Variants in FRYL observed in about 807,000 individuals in gnomAD.
FRYL encodes the protein protein furry homolog-like.
In FRYL, 150 loss-of-function variants were observed where a neutral mutation model predicts 351.2. That is an observed-to-expected ratio of 0.43 (90% CI 0.37 to 0.49). The LOEUF is 0.49. Among genes scored for constraint, FRYL ranks in the 20% least tolerant of loss-of-function variants. The probability of loss-of-function intolerance (pLI) is 0.00; values close to 1 mark genes in which losing one functional copy is unlikely to be tolerated. For synonymous variants in FRYL, 1,153 were observed against 1,257.1 expected, an observed-to-expected ratio of 0.92 and a Z score of 1.75; for missense variants, 3,036 against 3,619.3, an observed-to-expected ratio of 0.84 and a Z score of 4.13.
In FRYL at chr4:48,510,823, G is replaced by T; in HGVS notation, c.8295+12C>A. 1.9e-6 allele frequency: 3 copies of T among 1,602,742 alleles called. No homozygotes were observed. Among genetic ancestry groups the T allele is most frequent in the Non-Finnish European group, 2.6e-6 (3 of 1,172,412 alleles). On this transcript the variant is annotated intron_variant, in intron 58 of 63. Transcript: ENST00000358350. ...TGTAGTCTTTATAATAAACCTGCAT[G>T]TAAAAACTTACTGTTTCAGCATCCA...
chr4:48,673,744 C>T (rs1408996606), intron 3 of FRYL, among the ~76,000 whole-genome samples: 1 of 152,154 alleles, frequency 6.6e-6, no homozygotes, highest in Admixed American at 6.5e-5. Context: ...TAGATAACGA[C>T]CTGTCTCACA....
intron 16 of FRYL, among the ~76,000 whole-genome samples, chr4:48,592,082 T>TTTTA (rs1553941949): frequency 3.4e-5 from 4 of 116,178 alleles, no homozygotes; most frequent in Non-Finnish European, 6.7e-5. Flanking sequence ...AATAAAGCTC[T>TTTTA]TATATATATA....
intron 2 of FRYL, among the ~76,000 whole-genome samples, chr4:48,693,155 TG>T (rs1765826826): frequency 6.6e-6 from 1 of 152,236 alleles, no homozygotes; most frequent in Admixed American, 6.5e-5. Context: ...TACTATTTCT[TG>T]GTACAATTGC....
In FRYL at chr4:48,551,519, G is replaced by A. The variant is rs1280886557; in HGVS notation, c.4495C>T (p.Pro1499Ser). The part of the protein sequence containing the change: ...APTDGNPDNK[P>S]IKENIEESYV... The stretch of plus-strand genomic sequence containing the variant: ...CTCTCTTCAATATTCTCTTTAATGG[G>A]CTTATTATCAGGATTGCCATCTGTG... Residue 1499 changes from proline (P) to serine (S), a missense_variant, in exon 37 of 64, where the codon CCC (proline) becomes TCC (serine). Coordinates refer to ENST00000358350, the MANE Select transcript of FRYL (RefSeq NM_015030.2). 2 of 1,609,628 alleles carry A rather than the reference G, an allele frequency of 1.2e-6. No individual in the cohort carries two copies. The highest frequency in any genetic ancestry group is 3.3e-5 in the Admixed American group (2 of 59,954).
chr4:48,647,818 C>T (rs2149417979), intron 3 of FRYL, among the ~76,000 whole-genome samples: 1 of 152,234 alleles, frequency 6.6e-6, no homozygotes, highest in Admixed American at 6.5e-5. Context: ...CTTCTCAAAG[C>T]AGACAAATTT....
rs181122173 is a variant in FRYL, at chr4:48,549,416, C to T, written c.4784+57G>A. On this transcript the variant is annotated intron_variant, in intron 39 of 63. Coordinates refer to ENST00000358350, the MANE Select transcript of FRYL (RefSeq NM_015030.2). The surrounding 1 kb of genome is among the most constrained non-coding windows in gnomAD (Gnocchi z 4.2). ...TGTTGTCAGATAGCACAAAGAAAGC[C>T]GACAGTGTTCAGCAGCAACTTGGTG... 72 of 1,504,726 alleles carry T rather than the reference C, an allele frequency of 4.8e-5. No homozygotes were observed. The East Asian group carries it at 8.5e-4, about 18-fold the overall frequency. 93.2% of individuals were successfully genotyped at this position (1,504,726 alleles called of 1,614,324 possible).
At chr4:48,588,552 C>G (rs1265186376) in intron 18 of FRYL, among the ~76,000 whole-genome samples, 1 of 152,162 alleles carries the variant, frequency 6.6e-6, no homozygotes, top group Non-Finnish European at 1.5e-5. Flanking sequence ...GCTGCAGTGA[C>G]CACCTCTCAG....
chr4:48,601,879 A>G (rs2149251109), intron 13 of FRYL, 141 bp downstream of exon 13: 1 of 512,792 alleles, frequency 2.0e-6, no homozygotes, highest in South Asian at 2.5e-5. Flanking sequence ...TACAGTAGGT[A>G]TAAGAAAAGG....
intron 3 of FRYL, among the ~76,000 whole-genome samples, chr4:48,666,225 G>A (rs558204346): frequency 1.5e-4 from 23 of 152,170 alleles, no homozygotes; most frequent in African/African-American, 5.5e-4. Context: ...AAATTAGCCA[G>A]GTATGGTGGC....
intron 20 of FRYL, among the ~76,000 whole-genome samples, chr4:48,582,182 A>G (rs1446164964): frequency 6.6e-6 from 1 of 152,240 alleles, no homozygotes; most frequent in Admixed American, 6.5e-5. Flanking sequence ...CAAATAACCC[A>G]AATGGAAGAC....
intron 3 of FRYL, among the ~76,000 whole-genome samples, chr4:48,658,807 G>C (rs1322699207): frequency 6.6e-6 from 1 of 151,168 alleles, no homozygotes; most frequent in Non-Finnish European, 1.5e-5. Context: ...AAGGAAAGTT[G>C]CTTTTACATC....
At chr4:48,507,114 AAAT>A (rs1451874762) in intron 59 of FRYL, among the ~76,000 whole-genome samples, 3 of 152,168 alleles carry the variant, frequency 2.0e-5, no homozygotes, top group African/African-American at 7.2e-5. Context: ...ATAAATTTGA[AAAT>A]AATTTCAGTT....
chr4:48,551,300 A>T (rs1732693538), intron 37 of FRYL, among the ~76,000 whole-genome samples, 194 bp downstream of exon 37: 1 of 152,184 alleles, frequency 6.6e-6, no homozygotes, highest in African/African-American at 2.4e-5. Flanking sequence ...TAGAGCATAT[A>T]AAAAAATCTA....
At chr4:48,521,506 G>C (rs1238097515) in intron 54 of FRYL, among the ~76,000 whole-genome samples, 17 of 152,196 alleles carry the variant, frequency 1.1e-4, no homozygotes, top group Non-Finnish European at 1.0e-4. Context: ...ATTCATATTG[G>C]AGCTGAATTC....
intron 3 of FRYL, among the ~76,000 whole-genome samples, chr4:48,656,414 T>C (rs1217531262): frequency 8.3e-6 from 1 of 121,060 alleles, no homozygotes; most frequent in East Asian, 2.1e-4. Context: ...TTATATATAA[T>C]GTATATATAA....
chr4:48,551,912 G>A (rs972067337), intron 36 of FRYL, among the ~76,000 whole-genome samples: 13 of 152,136 alleles, frequency 8.5e-5, no homozygotes, highest in Non-Finnish European at 1.6e-4. Flanking sequence ...TGAAGGTGGT[G>A]CGAAAAAATA....
At chr4:48,692,247 A>G (rs1302194278) in intron 2 of FRYL, among the ~76,000 whole-genome samples, 2 of 152,154 alleles carry the variant, frequency 1.3e-5, no homozygotes, top group African/African-American at 4.8e-5. Context: ...ATGGGCCTAA[A>G]TCGCCTTTTT....
At chr4:48,500,467 T>C (rs1359118317) in intron 62 of FRYL, among the ~76,000 whole-genome samples, 2 of 152,226 alleles carry the variant, frequency 1.3e-5, no homozygotes, top group East Asian at 3.8e-4. Context: ...TAAATGTCTA[T>C]ATTGGTTTTA....
intron 12 of FRYL, among the ~76,000 whole-genome samples, chr4:48,602,853 A>G (rs148934783): frequency 1.7e-4 from 26 of 152,334 alleles, no homozygotes; most frequent in Non-Finnish European, 2.8e-4. Flanking sequence ...AGATACACAA[A>G]TATTATTCTG....
Sources: gnomAD v4.1 joint callset for allele counts (sites outside exome capture counted in the v4.1 genomes callset) on GRCh38, gnomAD v4.1.1 for gene constraint, Gnocchi (gnomAD v3.1) non-coding constraint, MANE v1.5 for transcripts, NCBI Gene and HGNC (gene_info 2026-07-23, HGNC 2026-07-21) for gene names.